The following TNFSF4 variants were observed in gnomAD, a reference collection of about 807,000 sequenced individuals.
The protein encoded by TNFSF4 is TNF superfamily member 4.
A neutral mutation model predicts 7.3 loss-of-function variants in TNFSF4; 4 were observed. That is an observed-to-expected ratio of 0.55 (90% CI 0.27 to 1.25). TNFSF4 has a LOEUF of 1.25. TNFSF4 is among the 50% of genes most tolerant of loss of function. The pLI, the probability that TNFSF4 is intolerant of heterozygous loss-of-function variation, is 0.12. For synonymous variants in TNFSF4, 76 were observed against 83.7 expected, an observed-to-expected ratio of 0.91 and a Z score of 0.50; for missense variants, 181 against 208.8, an observed-to-expected ratio of 0.87 and a Z score of 0.82.
chr1:173,304,283 ACAATCT>A, the TNFSF4 span, among the ~76,000 whole-genome samples: 1 of 151,958 alleles, frequency 6.6e-6, no homozygotes, highest in Admixed American at 6.6e-5. Flanking sequence ...AGAAGTGACC[ACAATCT>A]CATATCATGG....
At chr1:173,231,136 C>A in the TNFSF4 span, among the ~76,000 whole-genome samples, 1 of 151,762 alleles carries the variant, frequency 6.6e-6, no homozygotes, top group African/African-American at 2.4e-5. Flanking sequence ...GGCAGAGACA[C>A]AACAAAAAAA....
chr1:173,255,528 G>A, the TNFSF4 span, among the ~76,000 whole-genome samples: 1 of 152,150 alleles, frequency 6.6e-6, no homozygotes, highest in South Asian at 2.1e-4. Flanking sequence ...GTTAACAATC[G>A]TTATAATGTG....
the TNFSF4 span, among the ~76,000 whole-genome samples, chr1:173,321,639 C>A: frequency 1.3e-5 from 2 of 151,166 alleles, no homozygotes; most frequent in African/African-American, 2.4e-5. Flanking sequence ...AAAAAAAAAA[C>A]CATCAGAAAG....
chr1:173,319,961 G>A, the TNFSF4 span, among the ~76,000 whole-genome samples: 8 of 152,048 alleles, frequency 5.3e-5, no homozygotes, highest in South Asian at 2.1e-4. Flanking sequence ...CCAAATGATC[G>A]CAATTCCTCT....
At chr1:173,446,884 C>G in the TNFSF4 span, among the ~76,000 whole-genome samples, 1 of 152,216 alleles carries the variant, frequency 6.6e-6, no homozygotes, top group African/African-American at 2.4e-5. Flanking sequence ...GGCTTCCTTG[C>G]TCCTCAGCTT....
chr1:173,270,345 A>T, the TNFSF4 span, among the ~76,000 whole-genome samples: 1 of 152,144 alleles, frequency 6.6e-6, no homozygotes, highest in Non-Finnish European at 1.5e-5. Flanking sequence ...ACTTAAAGTC[A>T]TGAGCTTGGA....
At chr1:173,324,175 C>T in the TNFSF4 span, among the ~76,000 whole-genome samples, 1 of 152,138 alleles carries the variant, frequency 6.6e-6, no homozygotes, top group Non-Finnish European at 1.5e-5. Context: ...CGGCAGAAAC[C>T]CTACAAGCCA....
At chr1:173,355,682 A>G in the TNFSF4 span, among the ~76,000 whole-genome samples, 1 of 152,308 alleles carries the variant, frequency 6.6e-6, no homozygotes, top group Non-Finnish European at 1.5e-5. Context: ...TTGACCTACA[A>G]CAAGTTAGAA....
chr1:173,177,059 C>T, the TNFSF4 span, among the ~76,000 whole-genome samples: 1 of 151,994 alleles, frequency 6.6e-6, no homozygotes, highest in Non-Finnish European at 1.5e-5. Flanking sequence ...ACTTGTGCAC[C>T]AAACACCCAT....
the TNFSF4 span, among the ~76,000 whole-genome samples, chr1:173,408,206 G>A: frequency 1.3e-5 from 2 of 152,168 alleles, no homozygotes; most frequent in African/African-American, 2.4e-5. Flanking sequence ...GGCCCCTCAG[G>A]AGAAATGGCA....
chr1:173,367,150 GACT>G, the TNFSF4 span, among the ~76,000 whole-genome samples: 1 of 152,140 alleles, frequency 6.6e-6, no homozygotes, highest in African/African-American at 2.4e-5. Context: ...CTGAGACCTG[GACT>G]GAATCATTCA....
chr1:173,234,489 T>G, the TNFSF4 span, among the ~76,000 whole-genome samples: 2 of 152,086 alleles, frequency 1.3e-5, no homozygotes, highest in Admixed American at 6.5e-5. Flanking sequence ...TAAGGACACA[T>G]GCACATGTAT....
the TNFSF4 span, among the ~76,000 whole-genome samples, chr1:173,246,904 C>A: frequency 6.6e-6 from 1 of 152,184 alleles, no homozygotes; most frequent in Non-Finnish European, 1.5e-5. Flanking sequence ...AAGTCTAAGA[C>A]AAGAACTTGC....
chr1:173,250,021 TA>T, the TNFSF4 span, among the ~76,000 whole-genome samples: 26 of 148,744 alleles, frequency 1.7e-4, no homozygotes, highest in African/African-American at 4.2e-4. Flanking sequence ...GAACTTAAAA[TA>T]AAAAAAAAAG....
chr1:173,212,283 T>G (rs1277940506), upstream of TNFSF4, among the ~76,000 whole-genome samples: 2 of 152,156 alleles, frequency 1.3e-5, no homozygotes, highest in Non-Finnish European at 2.9e-5. Context: ...AATTTCAACA[T>G]AAGGCTTGGA....
chr1:173,270,915 T>C, the TNFSF4 span, among the ~76,000 whole-genome samples: 1 of 152,050 alleles, frequency 6.6e-6, no homozygotes, highest in Admixed American at 6.6e-5. Flanking sequence ...TCTTTGGAAA[T>C]ATATATGAGA....
chr1:173,446,568 A>C, the TNFSF4 span, among the ~76,000 whole-genome samples: 3 of 152,212 alleles, frequency 2.0e-5, no homozygotes, highest in African/African-American at 7.2e-5. Context: ...AAAGAAGATT[A>C]ACATTCGAGT....
the TNFSF4 span, among the ~76,000 whole-genome samples, chr1:173,214,530 G>T: frequency 2.0e-5 from 3 of 152,296 alleles, no homozygotes; most frequent in South Asian, 4.1e-4. Flanking sequence ...GGAAGAAGAA[G>T]AATTATCTTG....
the TNFSF4 span, among the ~76,000 whole-genome samples, chr1:173,428,283 C>T: frequency 6.6e-6 from 1 of 152,296 alleles, no homozygotes; most frequent in African/African-American, 2.4e-5. Context: ...CATAATGGTT[C>T]ATCGTTGACA....
Sources: allele counts gnomAD v4.1 joint callset (sites outside exome capture counted in the v4.1 genomes callset), GRCh38; gene constraint gnomAD v4.1.1; transcripts MANE v1.5; gene names NCBI Gene and HGNC (gene_info 2026-07-23, HGNC 2026-07-21).